Variants in ANK3 observed in about 807,000 individuals in gnomAD.
ANK3 encodes the protein ankyrin-3.
ANK3 carries 57 observed loss-of-function variants against 370.9 expected under a neutral mutation model. The ratio of observed to expected loss-of-function variants is 0.15; its 90% CI spans 0.12 to 0.19. The LOEUF is 0.19. Among genes scored for constraint, ANK3 ranks in the 10% least tolerant of loss-of-function variants. ANK3 has a pLI of 1.00. For synonymous variants in ANK3, 1,929 were observed against 1,946.3 expected (o/e 0.99, Z 0.23); for missense variants, 4,439 against 5,302.1 (o/e 0.84, Z 5.06).
chr10:60,525,800 T>C (rs1008325464), intron 2 of ANK3, among the ~76,000 whole-genome samples: 2 of 152,136 alleles, frequency 1.3e-5, no homozygotes, highest in African/African-American at 4.8e-5. Flanking sequence ...AACAAATGCA[T>C]GCGAACGCAC....
At chr10:60,693,327 G>A (rs1182746066) in intron 1 of ANK3, among the ~76,000 whole-genome samples, 1 of 152,216 alleles carries the variant, frequency 6.6e-6, no homozygotes, top group Non-Finnish European at 1.5e-5. Context: ...TGGGGGAGGG[G>A]CGCCCGCCAT....
At position 60,062,464 on chromosome 10, in the gene ANK3, G is replaced by A. The variant is rs888817712; in HGVS notation, c.12595+647C>T. 14 of 152,238 alleles carry A rather than the reference G, an allele frequency of 9.2e-5. 1 individual carries two copies. Among genetic ancestry groups the A allele is most frequent in the African/African-American group, 3.4e-4 (14 of 41,470 alleles). The allele number at this position is 152,238 out of a possible 1,614,324, so 9.4% of individuals were successfully genotyped here. Reference sequence around the variant, plus strand: ...TAATGTGAAAGAGGAATTGTTGTTAGTAACATGTATGCCGACTGAATTAGA... The same window carrying A: ...TAATGTGAAAGAGGAATTGTTGTTAATAACATGTATGCCGACTGAATTAGA... On this transcript the variant is annotated intron_variant, in intron 40 of 43. Coordinates refer to ENST00000280772, the MANE Select transcript of ANK3 (RefSeq NM_020987.5).
intron 23 of ANK3, chr10:60,140,467 T>G: frequency 6.2e-7 from 1 of 1,606,196 alleles, no homozygotes; most frequent in Non-Finnish European, 8.5e-7. Flanking sequence ...AGGAAACCAA[T>G]CCCTGGTTTG....
At chr10:60,572,113 T>A (rs1189630676) in intron 2 of ANK3, among the ~76,000 whole-genome samples, 1 of 152,236 alleles carries the variant, frequency 6.6e-6, no homozygotes, top group Non-Finnish European at 1.5e-5. Flanking sequence ...AATTATACCC[T>A]GTTGATTAAC....
At chr10:60,182,221 A>C (rs1053446178) in intron 17 of ANK3, among the ~76,000 whole-genome samples, 1 of 152,156 alleles carries the variant, frequency 6.6e-6, no homozygotes, top group African/African-American at 2.4e-5. Flanking sequence ...ATTAATTCCC[A>C]AGGTCTAATG....
chr10:60,698,065 A>G (rs2079488306), intron 1 of ANK3, among the ~76,000 whole-genome samples: 1 of 152,220 alleles, frequency 6.6e-6, no homozygotes, highest in Admixed American at 6.5e-5. Flanking sequence ...CAAGAAAAAA[A>G]CAAACCCCAT....
At chr10:60,597,893 A>G (rs1490521824) in intron 2 of ANK3, among the ~76,000 whole-genome samples, 1 of 152,196 alleles carries the variant, frequency 6.6e-6, no homozygotes, top group Non-Finnish European at 1.5e-5. Context: ...TCTTGTTTTC[A>G]TAATTTTAAA....
Position 60,075,871 on chromosome 10 carries a change from T to A in ANK3, c.5010A>T (p.Leu1670=). 6.2e-7 allele frequency: 1 copy of A among 1,614,168 alleles called. No homozygotes were observed. Among genetic ancestry groups the A allele is most frequent in the African/African-American group, 1.3e-5 (1 of 75,058 alleles). Residue 1670 remains leucine (L), a synonymous_variant, in exon 37 of 44, where the codon CTA becomes CTT. Transcript: ENST00000280772. ...CCACTGACTTTAAAGGTGAAGATAT[T>A]AGCGGTGCTGCTGATGTAATAATTG... is the stretch of plus-strand genomic sequence containing the variant. ...FKSIITSAAP[L]ISSPLKSVVS...
intron 18 of ANK3, among the ~76,000 whole-genome samples, chr10:60,176,593 C>G (rs1390541888): frequency 6.6e-6 from 1 of 151,912 alleles, no homozygotes; most frequent in Non-Finnish European, 1.5e-5. Context: ...AAAACCCTGT[C>G]TCTACTAAAA....
rs571687525 is a variant in ANK3, at chr10:60,653,542, G to T, written c.58-38318C>A. Among the ~76,000 whole-genome samples the T allele has an allele frequency of 2.0e-4, 31 of 152,210 alleles. No homozygotes were observed. The Middle Eastern group carries it at 0.01, about 50-fold the overall frequency. On this transcript the variant is annotated intron_variant, in intron 1 of 43. Transcript: ENST00000373827. ...CTTTCTCCAATTCTGTAGCTTTATA[G>T]TAATCAGGTAATGTGACTCTTTTGT...
At chr10:60,410,921 G>T (rs2063546616) in intron 2 of ANK3, among the ~76,000 whole-genome samples, 2 of 151,824 alleles carry the variant, frequency 1.3e-5, no homozygotes. Context: ...CAATCCTCCT[G>T]TCTCTGCTTC....
chr10:60,055,441 T>C (rs2078982723), intron 42 of ANK3, among the ~76,000 whole-genome samples: 2 of 152,186 alleles, frequency 1.3e-5, no homozygotes, highest in African/African-American at 4.8e-5. Flanking sequence ...AATGAAGGTA[T>C]AACGAAATGG....
chr10:60,181,399 G>A lies in ANK3; in HGVS notation c.2114C>T (p.Ala705Val), dbSNP rs1361381671. Residue 705 changes from alanine (A) to valine (V), a missense_variant, in exon 18 of 44, where the codon GCT becomes GTT. Transcript: ENST00000280772. ...TGCCACATTCACTCGATCTTCTTGA[G>A]CAGCCAAATGGAGTGGGGTCAGGCC... is the stretch of plus-strand genomic sequence containing the variant. ...KSGLTPLHLAAQEDRVNVAEV... is the reference protein window; with the variant it reads ...KSGLTPLHLAVQEDRVNVAEV... 2.5e-6 allele frequency: 4 copies of A among 1,614,146 alleles called. No homozygotes were observed.
intron 2 of ANK3, among the ~76,000 whole-genome samples, chr10:60,401,555 G>A (rs2063352515): frequency 6.6e-6 from 1 of 151,798 alleles, no homozygotes; most frequent in Non-Finnish European, 1.5e-5. Flanking sequence ...ATCTCTTTAT[G>A]TTTATATGTA....
In ANK3 at chr10:60,484,999, C is replaced by G. The variant is rs58663824; in HGVS notation, c.96+130187G>C. Among the ~76,000 whole-genome samples, 414 of 152,060 alleles carry G rather than the reference C, an allele frequency of 2.7e-3. 8 individuals carry two copies. The East Asian group carries it at 0.069, about 25-fold the overall frequency. On this transcript the variant is annotated intron_variant, in intron 2 of 43. Transcript: ENST00000373827. ...TTAAATCCGATATTTCCTTGATGAC[C>G]ATGAGAATCATCAAAGAAAAATAAT... is the stretch of plus-strand genomic sequence containing the variant.
At chr10:60,379,293 A>G (rs552128906) in intron 1 of ANK3, among the ~76,000 whole-genome samples, 2 of 152,264 alleles carry the variant, frequency 1.3e-5, no homozygotes, top group East Asian at 3.9e-4. Context: ...CAGCCAATAT[A>G]GAGAACAATA....
At chr10:60,573,655 A>G (rs1287929678) in intron 2 of ANK3, among the ~76,000 whole-genome samples, 1 of 152,206 alleles carries the variant, frequency 6.6e-6, no homozygotes, top group African/African-American at 2.4e-5. Flanking sequence ...ATTTAAACAC[A>G]GCCAAATTAC....
At chr10:60,146,766 C>T (rs1336664838) in intron 23 of ANK3, among the ~76,000 whole-genome samples, 1 of 152,170 alleles carries the variant, frequency 6.6e-6, no homozygotes, top group Non-Finnish European at 1.5e-5. Flanking sequence ...AGACATGAGC[C>T]ACTGCGCCCG....
intron 23 of ANK3, chr10:60,146,154 C>A: frequency 7.8e-7 from 1 of 1,290,212 alleles, no homozygotes; most frequent in Non-Finnish European, 1.0e-6. Flanking sequence ...CATGTAGATA[C>A]GAAGATGTGT....
Sources: gnomAD v4.1 joint callset for allele counts (sites outside exome capture counted in the v4.1 genomes callset) on GRCh38, gnomAD v4.1.1 for gene constraint, MANE v1.5 for transcripts, NCBI Gene and HGNC (gene_info 2026-07-23, HGNC 2026-07-21) for gene names.